Variants in RAB27A observed in about 807,000 individuals in gnomAD.
RAB27A encodes RAB27A, member RAS oncogene family.
A neutral mutation model predicts 20.8 loss-of-function variants in RAB27A; 17 were observed. The ratio of observed to expected loss-of-function variants is 0.82; its 90% CI spans 0.56 to 1.23. The LOEUF (loss-of-function observed/expected upper bound fraction) is 1.23. RAB27A is among the 50% of genes most tolerant of loss of function. RAB27A has a pLI of 0.00. For missense variants in RAB27A, 277 were observed against 266.7 expected (o/e 1.04, Z -0.27); for synonymous variants, 85 against 92.8 (o/e 0.92, Z 0.48).
At chr15:55,277,075 A>T (rs1304921386) in intron 1 of RAB27A, among the ~76,000 whole-genome samples, 3 of 152,158 alleles carry the variant, frequency 2.0e-5, no homozygotes, top group African/African-American at 7.2e-5. Context: ...AAATGAACAA[A>T]CTCAGGTAAG....
At chr15:55,218,983 C>T (rs1362156805) in intron 6 of RAB27A, among the ~76,000 whole-genome samples, 2 of 151,940 alleles carry the variant, frequency 1.3e-5, no homozygotes, top group African/African-American at 4.8e-5. Flanking sequence ...CTCAGGTGAT[C>T]CACCCACCTC....
chr15:55,247,844 A>C (rs1467621809), intron 2 of RAB27A, among the ~76,000 whole-genome samples: 2 of 152,106 alleles, frequency 1.3e-5, no homozygotes, highest in East Asian at 3.8e-4. Flanking sequence ...TCAATTTGAC[A>C]CATAGATACT....
At chr15:55,295,415 C>T (rs1394226866) in intron 2 of RAB27A, among the ~76,000 whole-genome samples, 1 of 152,180 alleles carries the variant, frequency 6.6e-6, no homozygotes, top group Non-Finnish European at 1.5e-5. Flanking sequence ...GTGTTCATAG[C>T]AGCATTATTT....
At chr15:55,289,538 C>A (rs1898252732) in intron 1 of RAB27A, among the ~76,000 whole-genome samples, 178 bp downstream of exon 1, 1 of 152,194 alleles carries the variant, frequency 6.6e-6, no homozygotes, top group Non-Finnish European at 1.5e-5. Flanking sequence ...TCACTGGGGT[C>A]TGCGCTGAGG....
chr15:55,203,220 T>G lies in RAB27A; in HGVS notation c.*2287A>C, dbSNP rs1894476011. On this transcript the variant is annotated 3_prime_UTR_variant, in exon 7 of 7. Transcript: ENST00000336787. ...AAGGCCAGTGGAATCTATAGCTAATTACTCATTTGGTTCTTGAAAACTGAA... is the reference window on the plus strand; with the variant it reads ...AAGGCCAGTGGAATCTATAGCTAATGACTCATTTGGTTCTTGAAAACTGAA... The G allele has an allele frequency of 6.6e-6, 1 of 152,200 alleles. No individual in the cohort carries two copies. Among genetic ancestry groups the G allele is most frequent in the South Asian group, 2.1e-4 (1 of 4,834 alleles). The allele number at this position is 152,200 out of a possible 1,614,324, so 9.4% of individuals were successfully genotyped here. A position where few individuals can be genotyped will look rare whatever the true frequency, so the allele number is the denominator to read the frequency against.
chr15:55,257,148 G>A (rs964602551), intron 2 of RAB27A, among the ~76,000 whole-genome samples: 1 of 152,188 alleles, frequency 6.6e-6, no homozygotes, highest in Non-Finnish European at 1.5e-5. Flanking sequence ...AAGTGGGGAA[G>A]GGAAAGAGTT....
At chr15:55,292,666 T>C (rs1186370082), upstream of RAB27A, among the ~76,000 whole-genome samples, 1 of 152,094 alleles carries the variant, frequency 6.6e-6, no homozygotes, top group African/African-American at 2.4e-5. Flanking sequence ...AAGGGTGAAA[T>C]AGGCCATAGT....
In RAB27A at chr15:55,317,598, C is replaced by T. The variant is rs1595759783; in HGVS notation, c.-234+1333G>A. 4 of 395,334 alleles carry T rather than the reference C, an allele frequency of 1.0e-5. No homozygotes were observed. In the East Asian group the frequency reaches 1.4e-4, roughly 14 times the overall value. 24.5% of individuals were successfully genotyped at this position (395,334 alleles called of 1,614,324 possible). ...AAAGTGCTGGGATTACAGGCGTGAG[C>T]CACTGCGCCAGGCCTAACTCCATGT... On this transcript the variant is annotated intron_variant, in intron 1 of 5. Coordinates refer to the RAB27A transcript ENST00000563262.
intron 2 of RAB27A, among the ~76,000 whole-genome samples, chr15:55,252,113 C>G (rs1896910962): frequency 6.6e-6 from 1 of 152,038 alleles, no homozygotes; most frequent in South Asian, 2.1e-4. Flanking sequence ...GTTTATGGAT[C>G]TGGGAGTCTT....
At chr15:55,240,462 G>A (rs1896435653) in intron 2 of RAB27A, among the ~76,000 whole-genome samples, 1 of 152,064 alleles carries the variant, frequency 6.6e-6, no homozygotes, top group South Asian at 2.1e-4. Flanking sequence ...CCTCATCACT[G>A]CCCTATACAT....
intron 6 of RAB27A, among the ~76,000 whole-genome samples, chr15:55,211,310 T>A (rs1374030667): frequency 6.6e-6 from 1 of 152,170 alleles, no homozygotes; most frequent in Non-Finnish European, 1.5e-5. Flanking sequence ...GGTATTTTGA[T>A]AGGGATTGCA....
chr15:55,305,911 C>G (rs1209470160), intron 2 of RAB27A, among the ~76,000 whole-genome samples: 1 of 152,142 alleles, frequency 6.6e-6, no homozygotes, highest in Non-Finnish European at 1.5e-5. Context: ...CACTCCTGCT[C>G]CAATAACAAA....
At chr15:55,279,039 T>A (rs1458036796) in intron 1 of RAB27A, among the ~76,000 whole-genome samples, 1 of 152,120 alleles carries the variant, frequency 6.6e-6, no homozygotes, top group African/African-American at 2.4e-5. Flanking sequence ...AAGGGCACAG[T>A]TGCTAAAAGA....
At chr15:55,216,559 C>A (rs1431589093) in intron 6 of RAB27A, among the ~76,000 whole-genome samples, 1 of 151,822 alleles carries the variant, frequency 6.6e-6, no homozygotes, top group African/African-American at 2.4e-5. Flanking sequence ...ACTCAGAATA[C>A]ATCATCCCAA....
intron 2 of RAB27A, among the ~76,000 whole-genome samples, chr15:55,302,340 T>A (rs962073397): frequency 6.6e-6 from 1 of 151,952 alleles, no homozygotes; most frequent in African/African-American, 2.4e-5. Flanking sequence ...CCTCCCGAGG[T>A]GCCGGGATTG....
chr15:55,238,983 A>C (rs1566913880), intron 2 of RAB27A, among the ~76,000 whole-genome samples: 1 of 152,148 alleles, frequency 6.6e-6, no homozygotes, highest in Non-Finnish European at 1.5e-5. Context: ...TTTGGCTAAA[A>C]CCTGATATAT....
intron 2 of RAB27A, among the ~76,000 whole-genome samples, chr15:55,244,174 C>T (rs1357239555): frequency 6.6e-6 from 1 of 151,866 alleles, no homozygotes; most frequent in Non-Finnish European, 1.5e-5. Flanking sequence ...AATGGCTAGG[C>T]GTGGTGATGG....
At chr15:55,274,793 AT>A (rs1298540678) in intron 1 of RAB27A, among the ~76,000 whole-genome samples, 1 of 8,794 alleles carries the variant, frequency 1.1e-4, no homozygotes. Context: ...AAATAAATAA[AT>A]TATATATATA....
At chr15:55,256,433 G>T (rs377088593) in intron 2 of RAB27A, among the ~76,000 whole-genome samples, 6 of 152,042 alleles carry the variant, frequency 3.9e-5, no homozygotes, top group African/African-American at 1.4e-4. Flanking sequence ...AAGAAAGAGG[G>T]AGCAATCTGA....
Sources: gnomAD v4.1 joint callset for allele counts (sites outside exome capture counted in the v4.1 genomes callset) on GRCh38, gnomAD v4.1.1 for gene constraint, MANE v1.5 for transcripts, NCBI Gene and HGNC (gene_info 2026-07-23, HGNC 2026-07-21) for gene names.